ADA: variants seen among roughly 807,000 people sequenced by gnomAD.
ADA encodes the protein adenosine deaminase.
In ADA, 45 loss-of-function variants were observed where a neutral mutation model predicts 49.0. That is an observed-to-expected ratio of 0.92 (90% CI 0.72 to 1.18). The LOEUF (loss-of-function observed/expected upper bound fraction) is 1.18. Among genes scored for constraint, ADA ranks in the 50% most tolerant of loss-of-function variants. The pLI, the probability that ADA is intolerant of heterozygous loss-of-function variation, is 0.00. For synonymous variants in ADA, 173 were observed against 184.2 expected, an observed-to-expected ratio of 0.94 and a Z score of 0.49; for missense variants, 445 against 472.5, an observed-to-expected ratio of 0.94 and a Z score of 0.54.
At chr20:44,620,632 TGA>T (rs1209704011) in intron 10 of ADA, 4 of 607,184 alleles carry the variant, frequency 6.6e-6, no homozygotes, top group Non-Finnish European at 1.2e-5. Flanking sequence ...GAGAAACCTT[TGA>T]GAGACAGGGT....
chr20:44,620,966 A>T, intron 10 of ADA, 52 bp downstream of exon 10: 1 of 1,612,148 alleles, frequency 6.2e-7, no homozygotes, highest in Non-Finnish European at 8.5e-7. Context: ...GGACCTGTAG[A>T]TACCATACTC....
intron 1 of ADA, among the ~76,000 whole-genome samples, chr20:44,644,590 C>T (rs1012124026): frequency 1.3e-5 from 2 of 152,210 alleles, no homozygotes; most frequent in Admixed American, 1.3e-4. Flanking sequence ...CCTCCCTAGC[C>T]CTGCTTTTGG....
intron 1 of ADA, among the ~76,000 whole-genome samples, chr20:44,646,600 C>T (rs2065594340): frequency 6.6e-6 from 1 of 152,026 alleles, no homozygotes; most frequent in Non-Finnish European, 1.5e-5. Flanking sequence ...ATCAGCATGT[C>T]AGTTTCCCCA....
intron 6 of ADA, chr20:44,623,924 T>C (rs1314737971): frequency 6.4e-6 from 3 of 466,406 alleles, no homozygotes; most frequent in Non-Finnish European, 1.3e-5. Context: ...CTTTTTTTTG[T>C]ATTTGCAGAG....
chr20:44,648,282 C>G (rs1197153784), intron 1 of ADA, among the ~76,000 whole-genome samples: 1 of 152,064 alleles, frequency 6.6e-6, no homozygotes, highest in Non-Finnish European at 1.5e-5. Context: ...GGAGGCACAC[C>G]CGACAGGGCA....
At chr20:44,647,319 C>A (rs1470232882) in intron 1 of ADA, among the ~76,000 whole-genome samples, 1 of 151,964 alleles carries the variant, frequency 6.6e-6, no homozygotes, top group Non-Finnish European at 1.5e-5. Flanking sequence ...GCCTGTAATT[C>A]CAGCTACTTG....
chr20:44,619,733 T>G lies in ADA; in HGVS notation c.*101A>C. The G allele has an allele frequency of 1.1e-3, 1,528 of 1,446,972 alleles. No homozygotes were observed. The highest frequency in any genetic ancestry group is 1.4e-3 in the Non-Finnish European group (1,391 of 1,029,548). The allele number at this position is 1,446,972 out of a possible 1,614,324, so 89.6% of individuals were successfully genotyped here. ...TTCAGGAGCATCAGTAACTGACTATTGAGATCATGGTCTTCTTGGAAGGAA... is the reference window on the plus strand; with the variant it reads ...TTCAGGAGCATCAGTAACTGACTATGGAGATCATGGTCTTCTTGGAAGGAA... On this transcript the variant is annotated 3_prime_UTR_variant, in exon 12 of 12. Coordinates refer to ENST00000372874, the MANE Select transcript of ADA (RefSeq NM_000022.4).
intron 1 of ADA, among the ~76,000 whole-genome samples, chr20:44,636,746 C>T (rs1393054713): frequency 2.0e-5 from 3 of 152,290 alleles, no homozygotes; most frequent in South Asian, 4.1e-4. Context: ...AAGGGATTGA[C>T]CCAGATGTCC....
intron 1 of ADA, among the ~76,000 whole-genome samples, chr20:44,646,025 G>T (rs554061517): frequency 6.6e-6 from 1 of 152,190 alleles, no homozygotes; most frequent in South Asian, 2.1e-4. Flanking sequence ...CCCACAGCCT[G>T]CTCCTCTCCA....
At chr20:44,622,010 T>C (rs532476629) in intron 9 of ADA, among the ~76,000 whole-genome samples, 2 of 152,298 alleles carry the variant, frequency 1.3e-5, no homozygotes, top group Admixed American at 6.5e-5. Context: ...GGCCTGACCA[T>C]GGTCACCCTG....
Position 44,626,615 on chromosome 20 carries a change from A to G in ADA, c.219-16T>C. 6.2e-7 allele frequency: 1 copy of G among 1,613,760 alleles called. No homozygotes were observed. Among genetic ancestry groups the G allele is most frequent in the South Asian group, 1.1e-5 (1 of 91,070 alleles). On this transcript the variant is annotated splice_polypyrimidine_tract_variant and intron_variant, in intron 3 of 11. Transcript: ENST00000372874. ...CCGGCAGCCCCTGGGAAGGGAAGAAAGGGGTTGGGAACAACCTTCCCCAAG... is the reference window on the plus strand; with the variant it reads ...CCGGCAGCCCCTGGGAAGGGAAGAAGGGGGTTGGGAACAACCTTCCCCAAG...
At chr20:44,632,841 C>T (rs1457829701) in intron 2 of ADA, among the ~76,000 whole-genome samples, 1 of 152,230 alleles carries the variant, frequency 6.6e-6, no homozygotes, top group Non-Finnish European at 1.5e-5. Context: ...TATAGATGCC[C>T]ACCACCATGC....
Position 44,636,229 on chromosome 20 carries a change from G to T in ADA, c.93C>A (p.Gly31=). The change falls in exon 2 of 12, where the codon GGC becomes GGA. Residue 31 remains glycine (G), a splice_region_variant and synonymous_variant. Transcript: ENST00000372874. ...SIKPETILYY[G]RRRGIALPAN... ...AGGGCTCTTCTGTATGGACTTACCT[G>T]CCATAGTATAAGATGGTTTCAGGCT... 6.2e-7 allele frequency: 1 copy of T among 1,609,804 alleles called. No individual in the cohort carries two copies. Among genetic ancestry groups the T allele is most frequent in the Non-Finnish European group, 8.5e-7 (1 of 1,177,754 alleles).
intron 1 of ADA, among the ~76,000 whole-genome samples, chr20:44,645,285 G>A (rs148783425): frequency 0.024 from 3,622 of 151,058 alleles, 140 homozygotes; most frequent in African/African-American, 0.078. Flanking sequence ...ATGAACCCAG[G>A]AGGCAGAGGT....
chr20:44,649,929 G>A (rs899435817), intron 1 of ADA, among the ~76,000 whole-genome samples: 29 of 152,182 alleles, frequency 1.9e-4, no homozygotes, highest in African/African-American at 6.7e-4. Context: ...TAGAAATGGG[G>A]TTTTGCCATG....
chr20:44,639,138 G>A (rs2145344064), intron 1 of ADA, among the ~76,000 whole-genome samples: 1 of 152,282 alleles, frequency 6.6e-6, no homozygotes, highest in South Asian at 2.1e-4. Context: ...AAAGAGGATG[G>A]CTCCTCCAAG....
chr20:44,631,082 G>A (rs1040493590), intron 2 of ADA, among the ~76,000 whole-genome samples: 1 of 152,224 alleles, frequency 6.6e-6, no homozygotes, highest in Non-Finnish European at 1.5e-5. Flanking sequence ...GTGTTTTAGT[G>A]TATGTAAGTA....
At chr20:44,620,097 T>G (rs534293605) in intron 11 of ADA, among the ~76,000 whole-genome samples, 1 of 152,266 alleles carries the variant, frequency 6.6e-6, no homozygotes, top group Non-Finnish European at 1.5e-5. Flanking sequence ...AAGTCTCCCC[T>G]TAGAACAGCC....
intron 2 of ADA, among the ~76,000 whole-genome samples, chr20:44,631,237 G>T (rs1229541450): frequency 2.0e-5 from 3 of 152,118 alleles, no homozygotes; most frequent in African/African-American, 4.8e-5. Context: ...ACCACCAAGG[G>T]GTCATGCTGG....
Sources: gnomAD v4.1 joint callset for allele counts (sites outside exome capture counted in the v4.1 genomes callset) on GRCh38, gnomAD v4.1.1 for gene constraint, MANE v1.5 for transcripts, NCBI Gene and HGNC (gene_info 2026-07-23, HGNC 2026-07-21) for gene names.